Variants in ZNG1C observed in about 807,000 individuals in gnomAD.
ZNG1C encodes zinc-regulated GTPase metalloprotein activator 1C.
chr9:68,247,295 T>C, the ZNG1C span, among the ~76,000 whole-genome samples: 1 of 151,330 alleles, frequency 6.6e-6, no homozygotes, highest in Non-Finnish European at 1.5e-5. Flanking sequence ...ACTAGTCGAT[T>C]TAGAAAGTTT....
chr9:68,262,109 G>A, the ZNG1C span, among the ~76,000 whole-genome samples: 10 of 49,176 alleles, frequency 2.0e-4, 5 homozygotes, highest in African/African-American at 6.6e-4. Flanking sequence ...GGAAATGCAG[G>A]GCTGATATCT....
the ZNG1C span, among the ~76,000 whole-genome samples, chr9:68,281,649 T>C: frequency 9.0e-6 from 1 of 110,980 alleles, no homozygotes; most frequent in Admixed American, 9.7e-5. Context: ...TTTCCCTGTC[T>C]TCATAGCCCC....
chr9:68,292,213 G>A, the ZNG1C span, among the ~76,000 whole-genome samples: 1 of 149,290 alleles, frequency 6.7e-6, no homozygotes, highest in African/African-American at 2.5e-5. Context: ...CTCTCTGACA[G>A]AGCCTACCCA....
At chr9:68,257,539 T>A in the ZNG1C span, among the ~76,000 whole-genome samples, 2 of 96,346 alleles carry the variant, frequency 2.1e-5, no homozygotes, top group Admixed American at 1.1e-4. Context: ...AGGTTTTCTT[T>A]AAAAAAAAAA....
the ZNG1C span, chr9:68,299,323 T>C: frequency 1.6e-6 from 1 of 613,342 alleles, no homozygotes; most frequent in African/African-American, 1.9e-5. Flanking sequence ...GTGACTTTGA[T>C]GTACTGACCT....
chr9:68,281,200 G>T, the ZNG1C span, among the ~76,000 whole-genome samples: 2 of 152,224 alleles, frequency 1.3e-5, no homozygotes, highest in African/African-American at 4.8e-5. Flanking sequence ...TTGGCTCGCG[G>T]ATGGAGCACG....
the ZNG1C span, among the ~76,000 whole-genome samples, chr9:68,281,259 C>G: frequency 6.6e-6 from 1 of 152,274 alleles, no homozygotes; most frequent in East Asian, 1.9e-4. Context: ...TGAGATGAAC[C>G]CGGTACCTCA....
At chr9:68,288,647 ATTTTTTT>A in the ZNG1C span, among the ~76,000 whole-genome samples, 38 of 56,944 alleles carry the variant, frequency 6.7e-4, no homozygotes, top group South Asian at 1.4e-3. Context: ...TAATTTTTGT[ATTTTTTT>A]TTTTTTTTTT....
the ZNG1C span, among the ~76,000 whole-genome samples, chr9:68,297,328 TGAG>T: frequency 1.3e-5 from 1 of 79,284 alleles, no homozygotes; most frequent in Non-Finnish European, 2.7e-5. Context: ...TCAGGGTTTC[TGAG>T]TGAGTTTTTT....
the ZNG1C span, among the ~76,000 whole-genome samples, chr9:68,290,268 A>G: frequency 6.9e-6 from 1 of 144,756 alleles, no homozygotes; most frequent in East Asian, 1.9e-4. Context: ...AAAAGCAAAA[A>G]TCATTATAAA....
At chr9:68,256,762 C>T in the ZNG1C span, among the ~76,000 whole-genome samples, 1 of 114,396 alleles carries the variant, frequency 8.7e-6, no homozygotes, top group Non-Finnish European at 1.8e-5. Context: ...CTATAATTCC[C>T]TTTTGCTATA....
chr9:68,276,083 TTGG>T, the ZNG1C span, among the ~76,000 whole-genome samples: 8 of 152,088 alleles, frequency 5.3e-5, no homozygotes, highest in East Asian at 5.8e-4. Flanking sequence ...CACGTGTTTT[TTGG>T]TGGCATAAAT....
chr9:68,246,134 T>TA, the ZNG1C span, among the ~76,000 whole-genome samples: 7 of 145,112 alleles, frequency 4.8e-5, no homozygotes, highest in Middle Eastern at 3.9e-3. Context: ...TAAACTGTAG[T>TA]AAAAAAAAAT....
the ZNG1C span, chr9:68,247,536 T>A: frequency 2.1e-6 from 3 of 1,413,390 alleles, no homozygotes; most frequent in Non-Finnish European, 2.9e-6. Flanking sequence ...AGATCTCCAT[T>A]ATTGAGTTAT....
the ZNG1C span, among the ~76,000 whole-genome samples, chr9:68,275,340 T>C: frequency 6.7e-6 from 1 of 148,232 alleles, no homozygotes; most frequent in African/African-American, 2.4e-5. Flanking sequence ...ATTTATTTAT[T>C]ATTATTTAAG....
the ZNG1C span, among the ~76,000 whole-genome samples, chr9:68,247,090 C>T: frequency 7.0e-4 from 107 of 152,220 alleles, no homozygotes; most frequent in Middle Eastern, 0.01. Context: ...CCTTGGCCTC[C>T]CTATAAGTTT....
chr9:68,291,782 C>T, the ZNG1C span, among the ~76,000 whole-genome samples: 3 of 151,758 alleles, frequency 2.0e-5, no homozygotes, highest in South Asian at 2.1e-4. Context: ...TGTTTTTGGG[C>T]GTTCTAGAGC....
chr9:68,294,268 GA>G, the ZNG1C span, among the ~76,000 whole-genome samples: 1 of 113,524 alleles, frequency 8.8e-6, no homozygotes, highest in Non-Finnish European at 1.8e-5. Context: ...CAAAGAACTA[GA>G]GAAACAAGAA....
chr9:68,288,994 A>AT, the ZNG1C span, among the ~76,000 whole-genome samples: 3 of 86,470 alleles, frequency 3.5e-5, no homozygotes, highest in South Asian at 9.1e-4. Flanking sequence ...AACTGGTAGG[A>AT]TTTTTTTTGA....
Sources: gnomAD v4.1 joint callset for allele counts (sites outside exome capture counted in the v4.1 genomes callset) on GRCh38, gnomAD v4.1.1 for gene constraint, MANE v1.5 for transcripts, NCBI Gene and HGNC (gene_info 2026-07-23, HGNC 2026-07-21) for gene names.